The following ADGRE1 variants were observed in gnomAD, a reference collection of about 807,000 sequenced individuals.
ADGRE1 encodes adhesion G protein-coupled receptor E1, also known as EGF-like module receptor 1.
Under a neutral mutation model 102.7 loss-of-function variants are expected in ADGRE1, and 82 were observed. The observed-to-expected ratio is 0.80, with a 90% confidence interval of 0.67 to 0.96. The LOEUF is 0.96. Among genes scored for constraint, ADGRE1 ranks in the 40% least tolerant of loss-of-function variants. ADGRE1 has a pLI of 0.00. For synonymous variants in ADGRE1, 398 were observed against 399.6 expected (o/e 1.00, Z 0.05); for missense variants, 1,032 against 1,085.3 (o/e 0.95, Z 0.69).
Position 6,921,891 on chromosome 19 carries a change from C to T in ADGRE1, c.1791+8C>T, listed in dbSNP as rs370480967. On this transcript the variant is annotated splice_region_variant and intron_variant, in intron 14 of 20. Transcript: ENST00000312053. ...GCGTCTGGGGAGCTCACGGTCAGTA[C>T]TGATGATTTGTTCCCTGAGGCAGAG... The T allele has an allele frequency of 1.3e-6, 2 of 1,596,864 alleles. No individual in the cohort carries two copies. The highest frequency in any genetic ancestry group is 2.7e-5 in the African/African-American group (2 of 74,216).
rs1207849427 is a variant in ADGRE1, at chr19:6,940,269, C to A, written c.*240C>A. ...TTCGTGCTCTGCAACTTCTTCAATT[C>A]CAGAGTTTCTGAGAACAGACCCAAA... On this transcript the variant is annotated 3_prime_UTR_variant, in exon 21 of 21. Transcript: ENST00000312053. 3 of 587,578 alleles carry A rather than the reference C, an allele frequency of 5.1e-6. No individual in the cohort carries two copies. The highest frequency in any genetic ancestry group is 9.0e-6 in the Non-Finnish European group (3 of 331,774). The allele number at this position is 587,578 out of a possible 1,614,324, so 36.4% of individuals were successfully genotyped here.
At chr19:6,923,717 T>C (rs1231669591) in intron 14 of ADGRE1, among the ~76,000 whole-genome samples, 3 of 151,616 alleles carry the variant, frequency 2.0e-5, no homozygotes, top group Admixed American at 6.6e-5. Flanking sequence ...TTTGTTTGTT[T>C]AGTAGAGATA....
chr19:6,901,900 A>G lies in ADGRE1; in HGVS notation c.540A>G (p.Arg180=). 6.2e-7 allele frequency: 1 copy of G among 1,614,156 alleles called. No homozygotes were observed. Among genetic ancestry groups the G allele is most frequent in the Non-Finnish European group, 8.5e-7 (1 of 1,180,006 alleles). The change falls in exon 6 of 21, where the codon AGA becomes AGG. Residue 180 remains arginine (R), a synonymous_variant. Transcript: ENST00000312053. Reference sequence around the variant, plus strand: ...ACGTGGATGAATGTGCAGATCCAAGAGCTTGCCCAGAGCATGCAACTTGTA... The same window carrying G: ...ACGTGGATGAATGTGCAGATCCAAGGGCTTGCCCAGAGCATGCAACTTGTA... ...CEDVDECADP[R]ACPEHATCNN...
At chr19:6,896,160 TGG>T in intron 2 of ADGRE1, 2 of 442,470 alleles carry the variant, frequency 4.5e-6, no homozygotes, top group Non-Finnish European at 8.2e-6. Flanking sequence ...AGGACACCTG[TGG>T]CCCACCCTAC....
intron 14 of ADGRE1, among the ~76,000 whole-genome samples, chr19:6,922,806 G>A (rs1217172822): frequency 2.0e-5 from 3 of 152,020 alleles, no homozygotes; most frequent in African/African-American, 7.2e-5. Flanking sequence ...CACCTGGCTC[G>A]GTGGCTCACG....
intron 12 of ADGRE1, among the ~76,000 whole-genome samples, chr19:6,917,286 C>A (rs1326771365): frequency 6.6e-6 from 1 of 152,176 alleles, no homozygotes; most frequent in East Asian, 1.9e-4. Flanking sequence ...TATGGAAGAG[C>A]TATTTAAGCG....
In ADGRE1 at chr19:6,940,099, C is replaced by T; in HGVS notation, c.*70C>T. The T allele has an allele frequency of 6.5e-7, 1 of 1,530,488 alleles. No individual in the cohort carries two copies. The highest frequency in any genetic ancestry group is 1.7e-5 in the Admixed American group (1 of 57,586). 94.8% of individuals were successfully genotyped at this position (1,530,488 alleles called of 1,614,324 possible). On this transcript the variant is annotated 3_prime_UTR_variant, in exon 21 of 21. Transcript: ENST00000312053. ...ACAGTAGTTTCCTGCAGGAGCCTAC[C>T]CTGAAATCTCTTCTCAGCTTAACAT...
At chr19:6,888,274 AGTT>A (rs1393520592) in intron 1 of ADGRE1, among the ~76,000 whole-genome samples, 2 of 152,224 alleles carry the variant, frequency 1.3e-5, no homozygotes, top group Non-Finnish European at 2.9e-5. Flanking sequence ...CTATGAAAGA[AGTT>A]GTTATAGAAT....
rs1483744544 is a variant in ADGRE1 at position 6,922,610 on chromosome 19, TCTCACACACACACA to T, written c.1791+729_1791+742del. Reference sequence around the variant, plus strand: ...AGCCTGGCAACAGAGTGAGACTCTGTCTCACACACACACACACACACACACACACACACACACAC... The same window carrying T: ...AGCCTGGCAACAGAGTGAGACTCTGTCACACACACACACACACACACACAC... On this transcript the variant is annotated intron_variant, in intron 14 of 20. Coordinates refer to ENST00000312053, the MANE Select transcript of ADGRE1 (RefSeq NM_001974.5). 4.0e-3 allele frequency among the ~76,000 whole-genome samples: 481 copies of T among 119,996 alleles called. 3 individuals carry two copies. Among genetic ancestry groups the T allele is most frequent in the Admixed American group, 0.011 (127 of 11,940 alleles). 78.7% of individuals were successfully genotyped at this position (119,996 alleles called of 152,430 possible).
At chr19:6,927,285 T>TTCCC (rs1243082658) in intron 16 of ADGRE1, among the ~76,000 whole-genome samples, 1 of 69,536 alleles carries the variant, frequency 1.4e-5, no homozygotes, top group East Asian at 3.4e-4. Context: ...CTTCCTTCCC[T>TTCCC]TCCCTCCCTC....
chr19:6,924,980 G>A, intron 15 of ADGRE1, 108 bp downstream of exon 15: 1 of 1,172,878 alleles, frequency 8.5e-7, no homozygotes, highest in African/African-American at 1.5e-5. Flanking sequence ...CAGGGCCTTT[G>A]CATATGCTGT....
intron 15 of ADGRE1, 81 bp from the exon 16 acceptor site, chr19:6,926,285 C>A: frequency 6.8e-7 from 1 of 1,466,894 alleles, no homozygotes; most frequent in Non-Finnish European, 9.3e-7. Context: ...AATTTCCAGC[C>A]GAGGAGTCTC....
intron 15 of ADGRE1, among the ~76,000 whole-genome samples, chr19:6,925,682 T>TTTTCTTTTTTC (rs143155062): frequency 0.057 from 8,627 of 152,030 alleles, 418 homozygotes; most frequent in African/African-American, 0.13. Context: ...TTTATTTTTC[T>TTTTCTTTTTTC]TTTCTTTTTT....
chr19:6,912,063 C>T (rs1341191408), intron 10 of ADGRE1, among the ~76,000 whole-genome samples: 1 of 151,912 alleles, frequency 6.6e-6, no homozygotes, highest in Non-Finnish European at 1.5e-5. Flanking sequence ...CAGGCATATA[C>T]AAATGTACAC....
intron 2 of ADGRE1, chr19:6,895,368 T>C (rs981075239): frequency 6.6e-6 from 1 of 152,222 alleles, no homozygotes; most frequent in Non-Finnish European, 1.5e-5. Flanking sequence ...TCTATTATTA[T>C]AAGGAAGAGG....
In ADGRE1 at chr19:6,897,446, C is replaced by G. The variant is rs781704181; in HGVS notation, c.413C>G (p.Thr138Ser). Residue 138 changes from threonine (T) to serine (S), a missense_variant, in exon 5 of 21, where the codon ACC becomes AGC. By Grantham distance (58) the Thr-to-Ser change is moderately conservative. Transcript: ENST00000312053. ...FSCTDINECL[T>S]SSVCPEHSDC... ...TTCTCAGATATCAATGAGTGCCTCA[C>G]CAGCAGCGTCTGCCCTGAGCATTCT... The G allele has an allele frequency of 1.3e-6, 2 of 1,596,300 alleles. No homozygotes were observed. The highest frequency in any genetic ancestry group is 1.3e-5 in the African/African-American group (1 of 74,266).
chr19:6,929,854 C>A (rs976036407), intron 17 of ADGRE1, among the ~76,000 whole-genome samples: 12 of 152,024 alleles, frequency 7.9e-5, no homozygotes, highest in Middle Eastern at 3.2e-3. Flanking sequence ...TGGGGTTTCA[C>A]CACGTTGACC....
At position 6,926,431 on chromosome 19, in the gene ADGRE1, G is replaced by A; in HGVS notation, c.2052G>A (p.Leu684=). 2 of 1,614,220 alleles carry A rather than the reference G, an allele frequency of 1.2e-6. No homozygotes were observed. The highest frequency in any genetic ancestry group is 1.7e-6 in the Non-Finnish European group (2 of 1,180,046). Residue 684 remains leucine, a synonymous_variant, in exon 16 of 21, where the codon CTG becomes CTA. Transcript: ENST00000312053. ...YLFLACFFWM[L]VEAVILFLMV... ...TCCTTGCCTGCTTCTTCTGGATGCTGGTGGAGGCTGTGATACTGTTCTTGA... is the reference window on the plus strand; with the variant it reads ...TCCTTGCCTGCTTCTTCTGGATGCTAGTGGAGGCTGTGATACTGTTCTTGA...
chr19:6,888,587 G>A (rs1973230488), intron 1 of ADGRE1, among the ~76,000 whole-genome samples: 1 of 152,216 alleles, frequency 6.6e-6, no homozygotes, highest in African/African-American at 2.4e-5. Flanking sequence ...GGAGGAAACT[G>A]AGGCACAAAG....
Sources: gnomAD v4.1 joint callset for allele counts (sites outside exome capture counted in the v4.1 genomes callset) on GRCh38, gnomAD v4.1.1 for gene constraint, MANE v1.5 for transcripts, NCBI Gene and HGNC (gene_info 2026-07-23, HGNC 2026-07-21) for gene names.